Variants in INPP5D observed in about 807,000 individuals in gnomAD.
INPP5D encodes inositol polyphosphate-5-phosphatase D, also known as phosphatidylinositol 3,4,5-trisphosphate 5-phosphatase 1.
In INPP5D, 33 loss-of-function variants were observed where a neutral mutation model predicts 122.9. The ratio of observed to expected loss-of-function variants is 0.27; its 90% CI spans 0.20 to 0.36. The LOEUF is 0.36. INPP5D is among the 10% of genes least tolerant of loss of function. INPP5D has a pLI of 1.00. For synonymous variants in INPP5D, 584 were observed against 576.2 expected, an observed-to-expected ratio of 1.01 and a Z score of -0.19; for missense variants, 1,053 against 1,412.7, an observed-to-expected ratio of 0.75 and a Z score of 4.08.
intron 2 of INPP5D, among the ~76,000 whole-genome samples, chr2:233,091,562 C>A (rs1387931925): frequency 3.3e-5 from 5 of 152,166 alleles, no homozygotes; most frequent in Non-Finnish European, 7.3e-5. Context: ...CCCATCAAGT[C>A]TTTCTCATAA....
chr2:233,144,510 TGGTGGTGATGGTGATGGTGAGGGTGGA>T (rs1361424589), intron 6 of INPP5D, among the ~76,000 whole-genome samples: 16 of 147,730 alleles, frequency 1.1e-4, no homozygotes, highest in South Asian at 4.4e-4. Context: ...GTGGAGATGG[TGGTGGTGATGGTGATGGTGAGGGTGGA>T]GGTGGTGGTG....
chr2:233,067,092 T>C (rs1691250461), intron 1 of INPP5D, among the ~76,000 whole-genome samples: 1 of 152,192 alleles, frequency 6.6e-6, no homozygotes, highest in African/African-American at 2.4e-5. Flanking sequence ...TATACAATTC[T>C]TTATCGTGCT....
intron 2 of INPP5D, among the ~76,000 whole-genome samples, chr2:233,115,951 G>A (rs904525661): frequency 1.3e-5 from 2 of 152,138 alleles, no homozygotes; most frequent in Non-Finnish European, 2.9e-5. Flanking sequence ...TTCTAAGCTG[G>A]GCTTGGTGGG....
chr2:233,169,510 T>C, intron 14 of INPP5D, 109 bp downstream of exon 14: 1 of 1,490,534 alleles, frequency 6.7e-7, no homozygotes, highest in East Asian at 2.5e-5. Context: ...TTTGACCTTG[T>C]GGATGTCCTG....
chr2:233,148,167 G>A (rs1275322857), intron 9 of INPP5D, among the ~76,000 whole-genome samples: 1 of 152,238 alleles, frequency 6.6e-6, no homozygotes, highest in Non-Finnish European at 1.5e-5. Context: ...AGCTGCAGTG[G>A]GGCAAGACAA....
chr2:233,146,780 A>C (rs1257642700), intron 8 of INPP5D, among the ~76,000 whole-genome samples: 4 of 148,936 alleles, frequency 2.7e-5, no homozygotes, highest in Admixed American at 6.7e-5. Flanking sequence ...TGGGGAATTC[A>C]GAAAAAAAAT....
At chr2:233,118,343 C>T (rs1271766731) in intron 2 of INPP5D, among the ~76,000 whole-genome samples, 3 of 152,200 alleles carry the variant, frequency 2.0e-5, no homozygotes, top group Non-Finnish European at 4.4e-5. Flanking sequence ...CTCCTCTCTG[C>T]ACTGCACACA....
In INPP5D at chr2:233,188,055, C is replaced by A. The variant is rs1694964628; in HGVS notation, c.2359-1795C>A. On this transcript the variant is annotated intron_variant, in intron 21 of 26. Coordinates refer to ENST00000445964, the MANE Select transcript of INPP5D (RefSeq NM_001017915.3). This position sits in a 1 kb window ranked among gnomAD's most constrained non-coding sequence, Gnocchi z 4.7. ...TCCCCCTGCCCCCTCCCAGGGGGTC[C>A]ACTCCTCCTGTCTCCTGCCTCTTGC... Among the ~76,000 whole-genome samples the A allele has an allele frequency of 6.6e-6, 1 of 152,066 alleles. No homozygotes were observed. Among genetic ancestry groups the A allele is most frequent in the Non-Finnish European group, 1.5e-5 (1 of 67,970 alleles).
chr2:233,122,187 G>A lies in INPP5D; in HGVS notation c.279G>A (p.Leu93=), dbSNP rs1258027055. The change falls in exon 3 of 27, where the codon CTG becomes CTA. Residue 93 remains leucine (L), a synonymous_variant. Transcript: ENST00000445964. Reference sequence around the variant, plus strand: ...TTTACAAGAAGGAAAACATGGGGCTGGTGACCCATCTGCAATACCCTGTGC... The same window carrying A: ...TTTACAAGAAGGAAAACATGGGGCTAGTGACCCATCTGCAATACCCTGTGC... ...IEFYKKENMG[L]VTHLQYPVPL... 1 of 1,613,968 alleles carries A rather than the reference G, an allele frequency of 6.2e-7. No homozygotes were observed. The highest frequency in any genetic ancestry group is 8.5e-7 in the Non-Finnish European group (1 of 1,179,884).
intron 10 of INPP5D, among the ~76,000 whole-genome samples, chr2:233,159,535 G>GA (rs374072260): frequency 0.053 from 7,607 of 143,930 alleles, 655 homozygotes; most frequent in African/African-American, 0.18. Flanking sequence ...TCATCTCTAC[G>GA]AAAAAAAAAA....
In INPP5D at chr2:233,105,462, C is replaced by G. The variant is rs958211824; in HGVS notation, c.199-16645C>G. On this transcript the variant is annotated intron_variant, in intron 2 of 26. Coordinates refer to ENST00000445964, the MANE Select transcript of INPP5D (RefSeq NM_001017915.3). The surrounding 1 kb of genome is among the most constrained non-coding windows in gnomAD (Gnocchi z 4.0). ...CACCAGGCTGAGTCTCCCGGAGCAC[C>G]CTCCCAAGCTACTGTCCTCTCTTCA... 6.6e-6 allele frequency among the ~76,000 whole-genome samples: 1 copy of G among 152,156 alleles called. No homozygotes were observed. The highest frequency in any genetic ancestry group is 2.4e-5 in the African/African-American group (1 of 41,428).
Position 233,198,193 on chromosome 2 carries a change from A to G in INPP5D, c.2792A>G (p.Gln931Arg). 6.2e-7 allele frequency: 1 copy of G among 1,613,674 alleles called. No individual in the cohort carries two copies. The highest frequency in any genetic ancestry group is 8.5e-7 in the Non-Finnish European group (1 of 1,179,898). ...CCACCAATGCCCCTGCACGTGAAGC[A>G]GACCTTGTCCCCTGACCAGCAGCCC... Reference protein sequence around the residue: ...FGPPMPLHVKQTLSPDQQPTA... With the variant: ...FGPPMPLHVKRTLSPDQQPTA... The change falls in exon 25 of 27, where the codon CAG becomes CGG. Residue 931 changes from glutamine (Q) to arginine (R), a missense_variant. By Grantham distance (43) the Gln-to-Arg change is conservative. This residue lies in a region of INPP5D where 417 missense variants were observed against 425.8 expected (regional missense o/e 0.98). Coordinates refer to ENST00000445964, the MANE Select transcript of INPP5D (RefSeq NM_001017915.3).
chr2:233,176,461 ATGGATGGGTGGATAGGTGGGTGAATGGG>A (rs2106308268), intron 17 of INPP5D, among the ~76,000 whole-genome samples: 1 of 95,662 alleles, frequency 1.0e-5, no homozygotes, highest in Non-Finnish European at 2.2e-5. Context: ...GGATAGGTGG[ATGGATGGGTGGATAGGTGGGTGAATGGG>A]TGAATGGATG....
intron 1 of INPP5D, among the ~76,000 whole-genome samples, chr2:233,060,948 T>C (rs905204522): frequency 6.6e-6 from 1 of 151,518 alleles, no homozygotes; most frequent in Admixed American, 6.6e-5. Flanking sequence ...TCTGTGGAGG[T>C]GGGTGTGTTA....
At chr2:233,086,856 C>T (rs189612542) in intron 2 of INPP5D, among the ~76,000 whole-genome samples, 187 of 152,282 alleles carry the variant, frequency 1.2e-3, no homozygotes, top group African/African-American at 4.0e-3. Flanking sequence ...CCATGAGCCA[C>T]GGTCTGACAA....
intron 1 of INPP5D, among the ~76,000 whole-genome samples, chr2:233,061,400 C>T (rs895783991): frequency 2.6e-5 from 4 of 152,044 alleles, no homozygotes; most frequent in Admixed American, 2.0e-4. Flanking sequence ...CTGCAGCTCT[C>T]GGTCTAATCA....
At chr2:233,148,788 GT>G (rs1693843187) in intron 9 of INPP5D, among the ~76,000 whole-genome samples, 1 of 151,754 alleles carries the variant, frequency 6.6e-6, no homozygotes, top group African/African-American at 2.4e-5. Context: ...TCACACAACA[GT>G]TTGCATCCCA....
chr2:233,206,855 G>A lies in INPP5D; in HGVS notation c.*147G>A. The A allele has an allele frequency of 1.5e-6, 1 of 665,442 alleles. No individual in the cohort carries two copies. Among genetic ancestry groups the A allele is most frequent in the Non-Finnish European group, 2.8e-6 (1 of 356,846 alleles). 41.2% of individuals were successfully genotyped at this position (665,442 alleles called of 1,614,324 possible). A position where few individuals can be genotyped will look rare whatever the true frequency, so the allele number is the denominator to read the frequency against. On this transcript the variant is annotated 3_prime_UTR_variant, in exon 27 of 27. Coordinates refer to ENST00000445964, the MANE Select transcript of INPP5D (RefSeq NM_001017915.3). This position sits in a 1 kb window ranked among gnomAD's most constrained non-coding sequence, Gnocchi z 4.0. Reference sequence around the variant, plus strand: ...TCAGGAAAGGGCCTAGCTTCTGTGTGGCCCACAGAGTTCACTGCCTGTGAG... The same window carrying A: ...TCAGGAAAGGGCCTAGCTTCTGTGTAGCCCACAGAGTTCACTGCCTGTGAG...
chr2:233,144,256 A>G (rs1315692164), intron 6 of INPP5D, among the ~76,000 whole-genome samples: 116 of 87,950 alleles, frequency 1.3e-3, no homozygotes, highest in Middle Eastern at 0.01. Context: ...AGGTGGTCAT[A>G]ATTATGGTGG....
Sources: allele counts gnomAD v4.1 joint callset (sites outside exome capture counted in the v4.1 genomes callset), GRCh38; gene constraint gnomAD v4.1.1; regional missense constraint gnomAD v4.1.1; non-coding constraint Gnocchi (gnomAD v3.1); transcripts MANE v1.5; gene names NCBI Gene and HGNC (gene_info 2026-07-23, HGNC 2026-07-21).